URI1: variants seen among roughly 807,000 people sequenced by gnomAD.
The protein encoded by URI1 is unconventional prefoldin RPB5 interactor 1.
A neutral mutation model predicts 60.2 loss-of-function variants in URI1; 39 were observed. The observed-to-expected ratio is 0.65, with a 90% CI of 0.50 to 0.85. The LOEUF is 0.85. Ranked by LOEUF, URI1 falls within the 40% of genes least tolerant of loss-of-function variation. The pLI, the probability that URI1 is intolerant of heterozygous loss-of-function variation, is 0.00. For synonymous variants in URI1, 251 were observed against 236.8 expected (o/e 1.06, Z -0.55); for missense variants, 691 against 665.9 (o/e 1.04, Z -0.42).
chr19:29,989,638 G>A (rs990744969), intron 4 of URI1, among the ~76,000 whole-genome samples: 4 of 152,062 alleles, frequency 2.6e-5, no homozygotes, highest in African/African-American at 9.7e-5. Flanking sequence ...GGTCAGGCTG[G>A]TCTTGAACTC....
intron 1 of URI1, 27 bp downstream of exon 1, chr19:29,942,691 G>A (rs2055046602): frequency 2.2e-6 from 3 of 1,351,632 alleles, no homozygotes; most frequent in South Asian, 1.8e-5. Flanking sequence ...CGCCGCTTCC[G>A]CCTCCGCCCG....
intron 2 of URI1, among the ~76,000 whole-genome samples, chr19:29,975,383 T>G (rs2055507779): frequency 1.3e-5 from 2 of 152,120 alleles, no homozygotes; most frequent in South Asian, 4.1e-4. Context: ...AAGATTTAAA[T>G]AAAAAATATT....
chr19:29,956,408 G>C, intron 1 of URI1: 1 of 1,492,000 alleles, frequency 6.7e-7, no homozygotes, highest in Non-Finnish European at 9.1e-7. Context: ...ATAACTCTTA[G>C]ATCTGATTCA....
At chr19:29,978,882 T>C (rs2055558132) in intron 2 of URI1, among the ~76,000 whole-genome samples, 1 of 152,220 alleles carries the variant, frequency 6.6e-6, no homozygotes, top group South Asian at 2.1e-4. Flanking sequence ...GGATTGCCAT[T>C]TTTCACTGTT....
In URI1 at chr19:30,012,481, G is replaced by A; in HGVS notation, c.1375G>A (p.Glu459Lys). 1 of 1,614,156 alleles carries A rather than the reference G, an allele frequency of 6.2e-7. No homozygotes were observed. The highest frequency in any genetic ancestry group is 8.5e-7 in the Non-Finnish European group (1 of 1,180,010). ...SDTSESILEE[E>K]PQENQKKLLP... ...CACCAGTGAGAGCATTTTGGAAGAG[G>A]AACCACAAGAAAATCAAAAGAAACT... Residue 459 changes from glutamate to lysine, a missense_variant, in exon 10 of 11, where the codon GAA becomes AAA. Glu to Lys is a moderately conservative substitution (Grantham distance 56). Coordinates refer to ENST00000392271, the MANE Select transcript of URI1 (RefSeq NM_003796.3).
chr19:29,997,146 T>G (rs2055822366), intron 4 of URI1, among the ~76,000 whole-genome samples: 1 of 152,202 alleles, frequency 6.6e-6, no homozygotes, highest in Admixed American at 6.5e-5. Flanking sequence ...AGGATTGGTG[T>G]TAATTCTTTG....
intron 2 of URI1, among the ~76,000 whole-genome samples, chr19:29,975,711 G>A (rs766897762): frequency 6.6e-6 from 1 of 152,066 alleles, no homozygotes; most frequent in African/African-American, 2.4e-5. Flanking sequence ...TCACCGTGTT[G>A]CCCAGGCTGG....
intron 4 of URI1, among the ~76,000 whole-genome samples, chr19:29,993,185 G>T (rs1159945163): frequency 6.6e-6 from 1 of 152,062 alleles, no homozygotes; most frequent in Non-Finnish European, 1.5e-5. Context: ...ATGAACTAGG[G>T]GTAATGGCTA....
chr19:30,010,405 C>G (rs1315026870), intron 8 of URI1, among the ~76,000 whole-genome samples: 1 of 152,104 alleles, frequency 6.6e-6, no homozygotes, highest in Non-Finnish European at 1.5e-5. Context: ...GAAAAGTTGA[C>G]TGAGATGATT....
At chr19:29,947,414 G>T (rs1486679448) in intron 1 of URI1, among the ~76,000 whole-genome samples, 1 of 152,156 alleles carries the variant, frequency 6.6e-6, no homozygotes. Context: ...TTCTCATGGC[G>T]TGTTTGTGTC....
intron 1 of URI1, among the ~76,000 whole-genome samples, chr19:29,959,013 G>A (rs571010333): frequency 3.3e-5 from 5 of 151,752 alleles, no homozygotes; most frequent in South Asian, 4.2e-4. Flanking sequence ...TTCTTTTCTT[G>A]TAATGTCGAC....
At chr19:29,929,255 G>A (rs902730421) in intron 1 of URI1, among the ~76,000 whole-genome samples, 2 of 152,040 alleles carry the variant, frequency 1.3e-5, no homozygotes, top group African/African-American at 4.8e-5. Context: ...ATGAAAGAGA[G>A]TTTCAATTTC....
chr19:30,005,345 G>A lies in URI1; in HGVS notation c.368-16G>A. 7.0e-7 allele frequency: 1 copy of A among 1,436,600 alleles called. No individual in the cohort carries two copies. Among genetic ancestry groups the A allele is most frequent in the Non-Finnish European group, 9.7e-7 (1 of 1,034,566 alleles). The allele number at this position is 1,436,600 out of a possible 1,614,324, so 89.0% of individuals were successfully genotyped here. On this transcript the variant is annotated splice_polypyrimidine_tract_variant and intron_variant, in intron 4 of 10. Coordinates refer to ENST00000392271, the MANE Select transcript of URI1 (RefSeq NM_003796.3). ...ATATGCCATGCTTTACATAATGGTT[G>A]TGTTCATTGTTTCAGATGTAAGAAA...
chr19:29,934,239 T>C (rs1341321023), intron 1 of URI1, among the ~76,000 whole-genome samples: 1 of 152,164 alleles, frequency 6.6e-6, no homozygotes, highest in Non-Finnish European at 1.5e-5. Flanking sequence ...CCTGGCCTTA[T>C]TCCATCTTTC....
At chr19:29,942,199 GC>G, upstream of URI1, 1 of 983,718 alleles carries the variant, frequency 1.0e-6, no homozygotes, top group Non-Finnish European at 1.2e-6. Flanking sequence ...CGGGGGCGGG[GC>G]CTGCGCGCTT....
intron 2 of URI1, among the ~76,000 whole-genome samples, chr19:29,982,059 C>T (rs926110319): frequency 2.6e-5 from 4 of 152,182 alleles, no homozygotes; most frequent in Non-Finnish European, 5.9e-5. Context: ...AAGCCCTGAA[C>T]ATTTCCACGA....
At chr19:29,953,859 T>C (rs1056941097) in intron 1 of URI1, among the ~76,000 whole-genome samples, 1 of 152,144 alleles carries the variant, frequency 6.6e-6, no homozygotes, top group African/African-American at 2.4e-5. Flanking sequence ...AAATGAGTTT[T>C]TTTTTTCTTA....
chr19:29,925,056 G>C (rs1346568219), intron 1 of URI1, among the ~76,000 whole-genome samples: 1 of 152,048 alleles, frequency 6.6e-6, no homozygotes, highest in African/African-American at 2.4e-5. Context: ...GGCTGGTCTC[G>C]AACTACTGAC....
At chr19:30,001,676 A>G (rs1243381878) in intron 4 of URI1, among the ~76,000 whole-genome samples, 5 of 152,000 alleles carry the variant, frequency 3.3e-5, no homozygotes, top group Non-Finnish European at 7.4e-5. Flanking sequence ...TCCAGGTCCG[A>G]TATCCCAGAT....
Sources: allele counts gnomAD v4.1 joint callset (sites outside exome capture counted in the v4.1 genomes callset), GRCh38; gene constraint gnomAD v4.1.1; transcripts MANE v1.5; gene names NCBI Gene and HGNC (gene_info 2026-07-23, HGNC 2026-07-21).